Variants in CELF2 observed in about 807,000 individuals in gnomAD.
The protein encoded by CELF2 is CUG triplet repeat RNA-binding protein 2.
CELF2 carries 8 observed loss-of-function variants against 62.6 expected under a neutral mutation model. That is an observed-to-expected ratio of 0.13 (90% CI 0.07 to 0.23). The LOEUF is 0.23. CELF2 is among the 10% of genes least tolerant of loss of function. The pLI is 1.00. For synonymous variants in CELF2, 258 were observed against 250.0 expected, an observed-to-expected ratio of 1.03 and a Z score of -0.30; for missense variants, 333 against 671.0, an observed-to-expected ratio of 0.50 and a Z score of 5.56.
chr10:11,186,498 C>G (rs941109243), intron 2 of CELF2, among the ~76,000 whole-genome samples: 1 of 152,040 alleles, frequency 6.6e-6, no homozygotes. Flanking sequence ...TTACCTACAT[C>G]CACAAATTCT....
chr10:10,504,014 A>G, the CELF2 span, among the ~76,000 whole-genome samples: 1 of 152,044 alleles, frequency 6.6e-6, no homozygotes, highest in Non-Finnish European at 1.5e-5. Flanking sequence ...ATCTTCCTCT[A>G]TGTCCTCTTA....
chr10:11,259,632 C>G (rs1179487256), intron 5 of CELF2, among the ~76,000 whole-genome samples: 1 of 152,174 alleles, frequency 6.6e-6, no homozygotes, highest in Non-Finnish European at 1.5e-5. Flanking sequence ...CAGGGGCAAG[C>G]AAAGCCATCC....
At chr10:11,148,487 G>T (rs568201450) in intron 1 of CELF2, among the ~76,000 whole-genome samples, 2 of 152,332 alleles carry the variant, frequency 1.3e-5, no homozygotes, top group South Asian at 4.1e-4. Context: ...GACGCATCCA[G>T]TGTTAGAGAC....
chr10:10,522,927 A>G, the CELF2 span, among the ~76,000 whole-genome samples: 1 of 152,314 alleles, frequency 6.6e-6, no homozygotes, highest in East Asian at 1.9e-4. Flanking sequence ...GGCATTTAGT[A>G]TGTGGTCAGC....
chr10:11,011,263 T>G lies in CELF2; in HGVS notation c.53+5823T>G, dbSNP rs1025502542. 6.6e-6 allele frequency: 1 copy of G among 152,094 alleles called. No homozygotes were observed. The highest frequency in any genetic ancestry group is 1.5e-5 in the Non-Finnish European group (1 of 68,018). The allele number at this position is 152,094 out of a possible 1,614,324, so 9.4% of individuals were successfully genotyped here. A position where few individuals can be genotyped will look rare whatever the true frequency, so the allele number is the denominator to read the frequency against. The stretch of plus-strand genomic sequence containing the variant: ...AAGCAAGTAACAAACATACATGCAG[T>G]GCTCAATGAAAGACATAGTCTGGGG... On this transcript the variant is annotated intron_variant, in intron 1 of 12. Coordinates refer to the CELF2 transcript ENST00000416382. This position sits in a 1 kb window ranked among gnomAD's most constrained non-coding sequence, Gnocchi z 4.6.
chr10:10,911,323 A>G (rs1391650158), intron 1 of CELF2, among the ~76,000 whole-genome samples: 1 of 152,232 alleles, frequency 6.6e-6, no homozygotes, highest in Non-Finnish European at 1.5e-5. Flanking sequence ...AAAGGCACAC[A>G]CTTGTGGCTC....
At chr10:10,583,045 A>G in the CELF2 span, among the ~76,000 whole-genome samples, 1 of 152,218 alleles carries the variant, frequency 6.6e-6, no homozygotes, top group African/African-American at 2.4e-5. Context: ...ATAAAGAAAG[A>G]TGGAAGAAAT....
At chr10:10,629,390 G>T in the CELF2 span, among the ~76,000 whole-genome samples, 6 of 152,120 alleles carry the variant, frequency 3.9e-5, no homozygotes, top group Non-Finnish European at 7.4e-5. Context: ...CTCACAAAAT[G>T]CACCCCTATT....
chr10:11,286,947 A>G (rs1166248486), intron 8 of CELF2, among the ~76,000 whole-genome samples: 2 of 152,190 alleles, frequency 1.3e-5, no homozygotes, highest in African/African-American at 4.8e-5. Context: ...AGCAACCAAG[A>G]CAGGAGGAAC....
intron 1 of CELF2, among the ~76,000 whole-genome samples, chr10:10,824,967 T>C (rs773960833): frequency 4.6e-5 from 7 of 152,220 alleles, no homozygotes; most frequent in Non-Finnish European, 1.0e-4. Context: ...TGTCATTGTT[T>C]GTCCTCTCTG....
chr10:10,604,513 A>T, the CELF2 span, among the ~76,000 whole-genome samples: 2 of 152,208 alleles, frequency 1.3e-5, no homozygotes, highest in South Asian at 4.1e-4. Flanking sequence ...AAGCCAAGAG[A>T]CCAACATGAG....
intron 5 of CELF2, among the ~76,000 whole-genome samples, chr10:11,264,641 C>G (rs1307114123): frequency 6.6e-6 from 1 of 152,214 alleles, no homozygotes; most frequent in Admixed American, 6.5e-5. Flanking sequence ...TACTTGGAAA[C>G]AGATGGTAAA....
At chr10:10,474,353 G>A in the CELF2 span, among the ~76,000 whole-genome samples, 7 of 152,002 alleles carry the variant, frequency 4.6e-5, no homozygotes, top group African/African-American at 1.7e-4. Flanking sequence ...CATGGTGGGA[G>A]CAGAGTAACA....
Position 11,157,622 on chromosome 10 carries a change from A to G in CELF2, c.75-7864A>G, listed in dbSNP as rs1368972769. Among the ~76,000 whole-genome samples the G allele has an allele frequency of 6.6e-6, 1 of 152,184 alleles. No individual in the cohort carries two copies. Among genetic ancestry groups the G allele is most frequent in the Non-Finnish European group, 1.5e-5 (1 of 68,038 alleles). On this transcript the variant is annotated intron_variant, in intron 1 of 12. Transcript: ENST00000633077. This position sits in a 1 kb window ranked among gnomAD's most constrained non-coding sequence, Gnocchi z 4.9. The stretch of plus-strand genomic sequence containing the variant: ...CATGAGCAGCAGAAGGACATAAATG[A>G]CCTATTTTTCAGCTCTCTCACCTTC...
chr10:11,206,035 C>G (rs1200906014), intron 2 of CELF2, among the ~76,000 whole-genome samples: 10 of 152,136 alleles, frequency 6.6e-5, no homozygotes, highest in Admixed American at 6.5e-4. Flanking sequence ...AAAAAATAAC[C>G]TTTGTTCTGC....
rs983126835 is a variant in CELF2 at position 11,319,415 on chromosome 10, G to C, written c.1097-1774G>C. On this transcript the variant is annotated intron_variant, in intron 10 of 12. Coordinates refer to ENST00000633077, the MANE Select transcript of CELF2 (RefSeq NM_001326342.2). This position sits in a 1 kb window ranked among gnomAD's most constrained non-coding sequence, Gnocchi z 4.4. ...GTGGCCATAGTAACAGGGACAGAGGGGAAGCACAGCGGCAGGGAGGTGGCC... is the reference window on the plus strand; with the variant it reads ...GTGGCCATAGTAACAGGGACAGAGGCGAAGCACAGCGGCAGGGAGGTGGCC... 1.3e-5 allele frequency among the ~76,000 whole-genome samples: 2 copies of C among 152,128 alleles called. No individual in the cohort carries two copies. Among genetic ancestry groups the C allele is most frequent in the African/African-American group, 2.4e-5 (1 of 41,396 alleles).
intron 1 of CELF2, among the ~76,000 whole-genome samples, chr10:10,821,639 G>A (rs1432236673): frequency 2.6e-5 from 4 of 151,996 alleles, no homozygotes; most frequent in Non-Finnish European, 5.9e-5. Flanking sequence ...TGCTGCAGGG[G>A]TTTCCTTGGT....
upstream of CELF2, among the ~76,000 whole-genome samples, chr10:11,014,066 C>T (rs1266834293): frequency 6.6e-6 from 1 of 152,236 alleles, no homozygotes; most frequent in Non-Finnish European, 1.5e-5. Context: ...ATTGCTTGCT[C>T]CAAATGGCTG....
intron 1 of CELF2, among the ~76,000 whole-genome samples, chr10:10,812,633 T>G (rs1448819840): frequency 1.3e-5 from 2 of 152,188 alleles, no homozygotes; most frequent in African/African-American, 4.8e-5. Flanking sequence ...GGTTTCATGC[T>G]TTCTAATTTC....
Sources: gnomAD v4.1 joint callset for allele counts (sites outside exome capture counted in the v4.1 genomes callset) on GRCh38, gnomAD v4.1.1 for gene constraint, Gnocchi (gnomAD v3.1) non-coding constraint, MANE v1.5 for transcripts, NCBI Gene and HGNC (gene_info 2026-07-23, HGNC 2026-07-21) for gene names.